The following RORA variants were observed in gnomAD, a reference collection of about 807,000 sequenced individuals.
RORA encodes the protein nuclear receptor ROR-alpha.
In RORA, 7 loss-of-function variants were observed where a neutral mutation model predicts 69.5. The observed-to-expected ratio is 0.10, with a 90% CI of 0.06 to 0.19. The LOEUF (loss-of-function observed/expected upper bound fraction) is 0.19. RORA is among the 10% of genes least tolerant of loss of function. The pLI, the probability that RORA is intolerant of heterozygous loss-of-function variation, is 1.00. For synonymous variants in RORA, 261 were observed against 240.8 expected (o/e 1.08, Z -0.78); for missense variants, 457 against 663.0 (o/e 0.69, Z 3.41).
intron 1 of RORA, among the ~76,000 whole-genome samples, chr15:60,876,987 A>G (rs1423515576): frequency 1.3e-5 from 2 of 152,210 alleles, no homozygotes; most frequent in Non-Finnish European, 2.9e-5. Context: ...GAGGATCAGG[A>G]AAAATAACTA....
intron 1 of RORA, among the ~76,000 whole-genome samples, chr15:61,095,737 G>A (rs1383341111): frequency 2.0e-5 from 3 of 152,220 alleles, no homozygotes; most frequent in Admixed American, 1.3e-4. Context: ...CTTGTTCGAG[G>A]TGGAGTGCTG....
At chr15:61,083,771 C>T (rs2078580577) in intron 1 of RORA, among the ~76,000 whole-genome samples, 2 of 151,844 alleles carry the variant, frequency 1.3e-5, no homozygotes, top group Admixed American at 1.3e-4. Flanking sequence ...TAGAGTCAGC[C>T]TCTTCAAGCA....
chr15:60,842,835 G>A (rs1028732313), intron 1 of RORA, among the ~76,000 whole-genome samples: 1 of 152,130 alleles, frequency 6.6e-6, no homozygotes, highest in African/African-American at 2.4e-5. Context: ...AGAAGATCGG[G>A]TGGATAAAGA....
At chr15:60,629,076 C>A (rs1371797585) in intron 2 of RORA, among the ~76,000 whole-genome samples, 1 of 151,632 alleles carries the variant, frequency 6.6e-6, no homozygotes, top group Non-Finnish European at 1.5e-5. Context: ...TTAAATGTGA[C>A]CTCTGCAGAC....
intron 2 of RORA, among the ~76,000 whole-genome samples, chr15:60,662,615 A>G (rs976818261): frequency 6.7e-6 from 1 of 149,982 alleles, no homozygotes; most frequent in Non-Finnish European, 1.5e-5. Flanking sequence ...AGGACCAGAA[A>G]TCCTAACGAA....
intron 1 of RORA, among the ~76,000 whole-genome samples, chr15:60,763,635 C>T (rs964494802): frequency 1.3e-5 from 2 of 152,128 alleles, no homozygotes; most frequent in African/African-American, 2.4e-5. Flanking sequence ...CACAACCTTG[C>T]CTCGGAAAGC....
Position 60,502,746 on chromosome 15 carries a change from T to A in RORA, c.1183+14A>T. 1 of 1,515,512 alleles carries A rather than the reference T, an allele frequency of 6.6e-7. No homozygotes were observed. Among genetic ancestry groups the A allele is most frequent in the Non-Finnish European group, 9.2e-7 (1 of 1,090,774 alleles). 93.9% of individuals were successfully genotyped at this position (1,515,512 alleles called of 1,614,324 possible). A position where few individuals can be genotyped will look rare whatever the true frequency, so the allele number is the denominator to read the frequency against. On this transcript the variant is annotated intron_variant, in intron 8 of 10. Transcript: ENST00000335670. ...GCCCTGATTTGAAGAAAAGGCACCT[T>A]GATATCCCCTTACCTAAGGATTTGA... is the stretch of plus-strand genomic sequence containing the variant.
chr15:61,138,936 G>A (rs1339031117), intron 1 of RORA, among the ~76,000 whole-genome samples: 2 of 152,142 alleles, frequency 1.3e-5, no homozygotes, highest in African/African-American at 4.8e-5. Context: ...ACGAGGTCAG[G>A]AGATCGAGAC....
intron 1 of RORA, among the ~76,000 whole-genome samples, chr15:60,883,853 A>T (rs2073719701): frequency 6.6e-6 from 1 of 152,208 alleles, no homozygotes; most frequent in Admixed American, 6.5e-5. Context: ...TCCACGATGC[A>T]ACTGAGGGAT....
Position 60,747,429 on chromosome 15 carries a change from G to A in RORA, c.167-68743C>T, listed in dbSNP as rs560231973. Among the ~76,000 whole-genome samples, 413 of 152,266 alleles carry A rather than the reference G, an allele frequency of 2.7e-3. 4 individuals carry two copies. The highest frequency in any genetic ancestry group is 2.9e-3 in the East Asian group (15 of 5,184). On this transcript the variant is annotated intron_variant, in intron 1 of 10. Coordinates refer to ENST00000335670, the MANE Select transcript of RORA (RefSeq NM_134261.3). Reference sequence around the variant, plus strand: ...TTCGAGTGACTGGAAGTAGAGCAAAGATATCGAAACAGATTTTTTAAAATT... The same window carrying A: ...TTCGAGTGACTGGAAGTAGAGCAAAAATATCGAAACAGATTTTTTAAAATT...
At chr15:60,940,704 G>A (rs1281941089) in intron 1 of RORA, among the ~76,000 whole-genome samples, 3 of 152,278 alleles carry the variant, frequency 2.0e-5, no homozygotes, top group South Asian at 2.1e-4. Flanking sequence ...GAGGCAGGTG[G>A]ATCACGAGGT....
At chr15:61,037,644 T>C (rs1595903065) in intron 1 of RORA, among the ~76,000 whole-genome samples, 1 of 152,326 alleles carries the variant, frequency 6.6e-6, no homozygotes, top group African/African-American at 2.4e-5. Flanking sequence ...TGAGCATTTA[T>C]TGAACCCTTG....
At position 60,719,854 on chromosome 15, in the gene RORA, G is replaced by A. The variant is rs138778140; in HGVS notation, c.167-41168C>T. On this transcript the variant is annotated intron_variant, in intron 1 of 10. Transcript: ENST00000335670. The stretch of plus-strand genomic sequence containing the variant: ...GTACCGGAAAAATTGATTTTGGGAT[G>A]GGGGTGGAGGTTCACAGGTAAACAT... Among the ~76,000 whole-genome samples, 341 of 152,292 alleles carry A rather than the reference G, an allele frequency of 2.2e-3. 3 individuals are homozygous for A. The highest frequency in any genetic ancestry group is 7.8e-3 in the African/African-American group (324 of 41,556).
chr15:60,879,693 G>C lies in RORA; in HGVS notation c.167-201007C>G, dbSNP rs147073625. 3.3e-5 allele frequency among the ~76,000 whole-genome samples: 5 copies of C among 152,340 alleles called. No homozygotes were observed. The East Asian group carries it at 7.7e-4, about 23-fold the overall frequency. On this transcript the variant is annotated intron_variant, in intron 1 of 10. Transcript: ENST00000335670. ...CACGAAGTGGCACCAATGGAGATCA[G>C]ACATCAGAGGATATCAATGAAATTT...
intron 1 of RORA, among the ~76,000 whole-genome samples, chr15:61,187,303 G>A (rs1055899599): frequency 1.3e-5 from 2 of 152,254 alleles, no homozygotes; most frequent in Non-Finnish European, 2.9e-5. Context: ...CAGGCGGCCC[G>A]CCAGGCCCAA....
intron 1 of RORA, among the ~76,000 whole-genome samples, chr15:61,224,831 G>T (rs1428540503): frequency 6.6e-6 from 1 of 152,212 alleles, no homozygotes; most frequent in African/African-American, 2.4e-5. Context: ...GGAACCAGAA[G>T]TGTGTGCTAC....
At chr15:60,815,224 T>C (rs1202826024) in intron 1 of RORA, among the ~76,000 whole-genome samples, 8 of 152,140 alleles carry the variant, frequency 5.3e-5, no homozygotes, top group Admixed American at 5.2e-4. Context: ...AATTATGTTA[T>C]TACTTGGAAT....
intron 3 of RORA, chr15:60,529,470 C>T (rs1034719597): frequency 6.6e-6 from 1 of 152,012 alleles, no homozygotes; most frequent in African/African-American, 2.4e-5. Context: ...TGTTCAAGTC[C>T]CTGGCTAGGC....
chr15:61,081,474 A>T (rs12899546), intron 1 of RORA, among the ~76,000 whole-genome samples: 65,456 of 151,978 alleles, frequency 0.43, 14,417 homozygotes, highest in Admixed American at 0.51. Flanking sequence ...TTCCCCGTGT[A>T]TATTATTCCT....
Sources: allele counts gnomAD v4.1 joint callset (sites outside exome capture counted in the v4.1 genomes callset), GRCh38; gene constraint gnomAD v4.1.1; transcripts MANE v1.5; gene names NCBI Gene and HGNC (gene_info 2026-07-23, HGNC 2026-07-21).